The following FUT8 variants were observed in gnomAD, a reference collection of about 807,000 sequenced individuals.
FUT8 encodes the protein alpha-(1,6)-fucosyltransferase.
Under a neutral mutation model 71.3 loss-of-function variants are expected in FUT8, and 29 were observed. The observed-to-expected ratio is 0.41, with a 90% CI of 0.30 to 0.55. The LOEUF is 0.55. Ranked by LOEUF, FUT8 falls within the 20% of genes least tolerant of loss-of-function variation. The probability of loss-of-function intolerance (pLI) is 0.34; values close to 1 mark genes in which losing one functional copy is unlikely to be tolerated. For synonymous variants in FUT8, 254 were observed against 239.3 expected, an observed-to-expected ratio of 1.06 and a Z score of -0.57; for missense variants, 544 against 702.1, an observed-to-expected ratio of 0.77 and a Z score of 2.55.
At chr14:65,361,160 A>C in the FUT8 span, among the ~76,000 whole-genome samples, 1 of 152,004 alleles carries the variant, frequency 6.6e-6, no homozygotes, top group African/African-American at 2.4e-5. Flanking sequence ...GTTCGAGACC[A>C]GTCTGACCAA....
At position 65,523,356 on chromosome 14, in the gene FUT8, G is replaced by A. The variant is rs560268439; in HGVS notation, c.-227-37981G>A. The stretch of plus-strand genomic sequence containing the variant: ...TGAGCATTTTTTCATGTGTCTGTTG[G>A]CTGCATAAATGTCTTCTTATGAGAA... On this transcript the variant is annotated intron_variant, in intron 2 of 10. Transcript: ENST00000673929. 9.2e-5 allele frequency among the ~76,000 whole-genome samples: 14 copies of A among 152,290 alleles called. No homozygotes were observed. In the South Asian group the frequency reaches 2.7e-3, roughly 29 times the overall value.
At chr14:65,700,381 GTTTT>G (rs763718984) in intron 7 of FUT8, among the ~76,000 whole-genome samples, 4 of 48,880 alleles carry the variant, frequency 8.2e-5, no homozygotes, top group Admixed American at 3.3e-4. Flanking sequence ...CTTTCTTTCT[GTTTT>G]TTTTTTTTTT....
intron 1 of FUT8, among the ~76,000 whole-genome samples, chr14:65,426,765 G>A (rs905868189): frequency 5.3e-5 from 8 of 152,140 alleles, no homozygotes; most frequent in African/African-American, 1.4e-4. Flanking sequence ...TCAGAATGGC[G>A]TATTTAAACT....
At chr14:65,582,172 AATAAT>A (rs1887129680) in intron 3 of FUT8, among the ~76,000 whole-genome samples, 1 of 152,144 alleles carries the variant, frequency 6.6e-6, no homozygotes, top group African/African-American at 2.4e-5. Context: ...ATCCAATTAA[AATAAT>A]ATATAAGGTC....
At chr14:65,440,010 A>G (rs1488116287) in intron 1 of FUT8, among the ~76,000 whole-genome samples, 1 of 143,184 alleles carries the variant, frequency 7.0e-6, no homozygotes, top group East Asian at 2.1e-4. Context: ...ACACAGTGGA[A>G]TACTGTTCAG....
At chr14:65,741,540 C>T (rs190934973) in intron 10 of FUT8, among the ~76,000 whole-genome samples, 3 of 151,868 alleles carry the variant, frequency 2.0e-5, no homozygotes, top group South Asian at 2.1e-4. Flanking sequence ...ACGTTGTGCA[C>T]GTGTACCCTA....
chr14:65,614,629 T>C (rs1433960511), intron 3 of FUT8, among the ~76,000 whole-genome samples: 1 of 152,208 alleles, frequency 6.6e-6, no homozygotes, highest in Non-Finnish European at 1.5e-5. Flanking sequence ...TCTAAAAATG[T>C]CTTCCTTGCT....
chr14:65,679,024 A>G (rs1439023611), intron 7 of FUT8, among the ~76,000 whole-genome samples: 1 of 152,188 alleles, frequency 6.6e-6, no homozygotes, highest in Non-Finnish European at 1.5e-5. Context: ...TAGTGCATCT[A>G]GGTTCTGGCT....
intron 2 of FUT8, among the ~76,000 whole-genome samples, chr14:65,457,273 G>A (rs148951439): frequency 5.4e-4 from 82 of 152,224 alleles, no homozygotes; most frequent in African/African-American, 1.9e-3. Context: ...GGCCATGGTT[G>A]CATTTCTTTT....
intron 2 of FUT8, among the ~76,000 whole-genome samples, chr14:65,527,985 A>G (rs1295100642): frequency 6.6e-6 from 1 of 152,018 alleles, no homozygotes; most frequent in Non-Finnish European, 1.5e-5. Context: ...CAGTTAGGCT[A>G]CTCGGGGGTC....
the FUT8 span, among the ~76,000 whole-genome samples, chr14:65,403,738 ATTTTTTT>A: frequency 7.0e-6 from 1 of 143,178 alleles, no homozygotes; most frequent in Non-Finnish European, 1.5e-5. Flanking sequence ...ATAGTGGTTA[ATTTTTTT>A]TTTTTTTTTT....
intron 2 of FUT8, among the ~76,000 whole-genome samples, chr14:65,549,041 A>G (rs143418510): frequency 6.6e-6 from 1 of 152,184 alleles, no homozygotes; most frequent in Non-Finnish European, 1.5e-5. Flanking sequence ...ATACCACTAC[A>G]CAGCTACCAG....
At chr14:65,461,827 C>T (rs548525773) in intron 2 of FUT8, among the ~76,000 whole-genome samples, 5 of 152,206 alleles carry the variant, frequency 3.3e-5, no homozygotes, top group Admixed American at 3.3e-4. Flanking sequence ...ATCTCCCTGA[C>T]TGACTAAAAC....
rs2042088862 is a variant in FUT8 at position 65,669,623 on chromosome 14, A to G, written c.835+143A>G. On this transcript the variant is annotated intron_variant, in intron 7 of 10. Transcript: ENST00000673929. This position sits in a 1 kb window ranked among gnomAD's most constrained non-coding sequence, Gnocchi z 4.5. ...ACTATACATTATCCAGATAAAATCTAGAAGAACAGTATTTTATCTTAAAAG... is the reference window on the plus strand; with the variant it reads ...ACTATACATTATCCAGATAAAATCTGGAAGAACAGTATTTTATCTTAAAAG... 5.5e-6 allele frequency: 3 copies of G among 548,158 alleles called. No homozygotes were observed. Among genetic ancestry groups the G allele is most frequent in the Admixed American group, 3.4e-5 (1 of 29,836 alleles). The allele number at this position is 548,158 out of a possible 1,614,324, so 34.0% of individuals were successfully genotyped here.
At chr14:65,632,852 C>T (rs1890262945) in intron 6 of FUT8, among the ~76,000 whole-genome samples, 1 of 152,172 alleles carries the variant, frequency 6.6e-6, no homozygotes. Context: ...AGTTTCAGGT[C>T]TCAGATTTAA....
At chr14:65,633,133 C>T (rs1249104609) in intron 6 of FUT8, among the ~76,000 whole-genome samples, 1 of 152,120 alleles carries the variant, frequency 6.6e-6, no homozygotes, top group Admixed American at 6.5e-5. Flanking sequence ...ATTCTCCTGC[C>T]TCAGCCTGCC....
intron 7 of FUT8, among the ~76,000 whole-genome samples, chr14:65,717,077 G>T (rs1400138791): frequency 3.6e-5 from 5 of 140,526 alleles, no homozygotes; most frequent in Non-Finnish European, 7.6e-5. Context: ...AGATGGGGCG[G>T]CCGGGCAGAG....
At chr14:65,625,064 C>CATAAATAAATAAATAAATAAATAA (rs145476463) in intron 5 of FUT8, among the ~76,000 whole-genome samples, 1 of 146,418 alleles carries the variant, frequency 6.8e-6, no homozygotes, top group Admixed American at 6.8e-5. Context: ...GAAACTCTGT[C>CATAAATAAATAAATAAATAAATAA]ATAAATAAAT....
intron 3 of FUT8, among the ~76,000 whole-genome samples, chr14:65,610,471 CCT>C (rs1888829090): frequency 6.6e-6 from 1 of 151,474 alleles, no homozygotes; most frequent in African/African-American, 2.4e-5. Context: ...CTCACCACAG[CCT>C]CTGTCTCCCA....
Sources: gnomAD v4.1 joint callset for allele counts (sites outside exome capture counted in the v4.1 genomes callset) on GRCh38, gnomAD v4.1.1 for gene constraint, Gnocchi (gnomAD v3.1) non-coding constraint, MANE v1.5 for transcripts, NCBI Gene and HGNC (gene_info 2026-07-23, HGNC 2026-07-21) for gene names.